Variants in RIF1 observed in about 807,000 individuals in gnomAD.
RIF1 encodes the protein replication timing regulatory factor 1.
Under a neutral mutation model 247.1 loss-of-function variants are expected in RIF1, and 45 were observed. The ratio of observed to expected loss-of-function variants is 0.18; its 90% CI spans 0.14 to 0.23. RIF1 has a LOEUF of 0.23. RIF1 is among the 10% of genes least tolerant of loss of function. The probability of loss-of-function intolerance (pLI) is 1.00; values close to 1 mark genes in which losing one functional copy is unlikely to be tolerated. For missense variants in RIF1, 2,967 were observed against 2,862.5 expected, an observed-to-expected ratio of 1.04 and a Z score of -0.83; for synonymous variants, 1,087 against 978.8, an observed-to-expected ratio of 1.11 and a Z score of -2.06.
chr2:151,471,797 G>A (rs2048554398), intron 34 of RIF1, among the ~76,000 whole-genome samples: 1 of 152,132 alleles, frequency 6.6e-6, no homozygotes, highest in Non-Finnish European at 1.5e-5. Flanking sequence ...TTGAAGTCAG[G>A]TAGCATGATG....
At chr2:151,515,053 T>C in the RIF1 span, 1 of 639,284 alleles carries the variant, frequency 1.6e-6, no homozygotes, top group Non-Finnish European at 2.7e-6. Context: ...GTTCTGCTAA[T>C]GGTCACACAT....
intron 34 of RIF1, among the ~76,000 whole-genome samples, chr2:151,473,244 CTCAA>C (rs957963142): frequency 8.0e-5 from 12 of 149,344 alleles, no homozygotes; most frequent in African/African-American, 2.7e-4. Flanking sequence ...TTAGTATTTT[CTCAA>C]TCAGTGGTCC....
At chr2:151,496,999 G>C in intron 10 of RIF1, 1 of 1,577,842 alleles carries the variant, frequency 6.3e-7, no homozygotes, top group Non-Finnish European at 8.6e-7. Context: ...GACAGGTAGA[G>C]GGGTTCCCTT....
chr2:151,440,196 T>C (rs572718071), intron 15 of RIF1, 69 bp downstream of exon 15: 131 of 864,822 alleles, frequency 1.5e-4, no homozygotes, highest in Admixed American at 2.2e-4. Flanking sequence ...ATAGAAGATA[T>C]TTGCACAAAT....
chr2:151,411,420 T>A, intron 3 of RIF1, 82 bp downstream of exon 3: 1 of 919,116 alleles, frequency 1.1e-6, no homozygotes, highest in Non-Finnish European at 1.7e-6. Context: ...TTTTGAGGTG[T>A]AGTTTTGCTC....
chr2:151,489,577 A>G (rs2054361157), intron 9 of RIF1, among the ~76,000 whole-genome samples: 1 of 152,040 alleles, frequency 6.6e-6, no homozygotes, highest in East Asian at 1.9e-4. Flanking sequence ...TTTGGTTTTT[A>G]GTAGAGATGA....
intron 12 of RIF1, chr2:151,505,428 A>G (rs1249461376): frequency 6.8e-7 from 1 of 1,464,358 alleles, no homozygotes; most frequent in Non-Finnish European, 9.6e-7. Context: ...CAGGGTAGCA[A>G]TTGAGAGATG....
intron 4 of RIF1, among the ~76,000 whole-genome samples, chr2:151,415,511 G>A (rs1475779603): frequency 2.2e-5 from 3 of 139,166 alleles, no homozygotes; most frequent in Non-Finnish European, 4.6e-5. Flanking sequence ...GGAGAATGGC[G>A]TGAACCTGGC....
In RIF1 at chr2:151,458,854, C is replaced by G; in HGVS notation, c.2899C>G (p.Pro967Ala). The G allele has an allele frequency of 6.2e-7, 1 of 1,613,128 alleles. No individual in the cohort carries two copies. The highest frequency in any genetic ancestry group is 1.7e-5 in the Admixed American group (1 of 59,900). ...QAKQKFLLLL[P>A]GLETVEMMEE... ...CAAACAAAAATTTCTGCTCCTGTTG[C>G]CTGGTTTGGAAACTGTTGAAATGAT... The change falls in exon 25 of 36, where the codon CCT becomes GCT. Residue 967 changes from proline to alanine, a missense_variant. By Grantham distance (27) the Pro-to-Ala change is conservative. Around this residue, in one of 7 missense-constraint regions of RIF1, gnomAD observed 2,028 missense variants for 1,825.6 expected, o/e 1.11. Transcript: ENST00000444746.
chr2:151,510,714 G>A (rs1453049429), downstream of RIF1, among the ~76,000 whole-genome samples: 1 of 152,088 alleles, frequency 6.6e-6, no homozygotes, highest in Non-Finnish European at 1.5e-5. Context: ...CTTTGTCATA[G>A]GTGTATATGT....
At chr2:151,462,347 TTA>T (rs746222772) in intron 28 of RIF1, 25 bp downstream of exon 28, 1 of 1,496,820 alleles carries the variant, frequency 6.7e-7, no homozygotes, top group South Asian at 1.3e-5. Flanking sequence ...CATCAAACTT[TTA>T]TATCTGTTTT....
At chr2:151,487,348 A>G (rs1380873848) in intron 9 of RIF1, among the ~76,000 whole-genome samples, 2 of 152,244 alleles carry the variant, frequency 1.3e-5, no homozygotes, top group South Asian at 2.1e-4. Context: ...GTAGTTTTGG[A>G]TGTAACCTAT....
rs1477460315 is a variant in RIF1, at chr2:151,493,790, T to G, written c.*416-1439T>G. ...TCTAAAATACCGAGCTAAAGTTTTC[T>G]TGATTGCGTTTCACTCTTTCCATCT... is the stretch of plus-strand genomic sequence containing the variant. On this transcript the variant is annotated intron_variant and NMD_transcript_variant, in intron 9 of 13. Coordinates refer to the RIF1 transcript ENST00000454583. The G allele has an allele frequency of 6.3e-7, 1 of 1,579,330 alleles. No individual in the cohort carries two copies. The highest frequency in any genetic ancestry group is 1.8e-5 in the Admixed American group (1 of 55,252).
chr2:151,461,934 C>T (rs1033244047), intron 27 of RIF1, among the ~76,000 whole-genome samples: 1 of 152,104 alleles, frequency 6.6e-6, no homozygotes. Context: ...AGTGCAGTGG[C>T]ATGATCTCTG....
In RIF1 at chr2:151,437,457, G is replaced by T. The variant is rs899365256; in HGVS notation, c.1483+106G>T. The T allele has an allele frequency of 1.0e-5, 8 of 790,684 alleles. No individual in the cohort carries two copies. In the African/African-American group the frequency reaches 1.4e-4, roughly 14 times the overall value. 49.0% of individuals were successfully genotyped at this position (790,684 alleles called of 1,614,324 possible). A position where few individuals can be genotyped will look rare whatever the true frequency, so the allele number is the denominator to read the frequency against. On this transcript the variant is annotated intron_variant, in intron 13 of 35. Coordinates refer to ENST00000444746, the MANE Select transcript of RIF1 (RefSeq NM_018151.5). The stretch of plus-strand genomic sequence containing the variant: ...TGTAATCCCAGCACTTTGGGAGGCC[G>T]AGGTGAGTGGATCACTTGAGCTCAG...
In RIF1 at chr2:151,479,368, A is replaced by G. The variant is rs1280652958; in HGVS notation, c.*4297A>G. 2 of 152,224 alleles carry G rather than the reference A, an allele frequency of 1.3e-5. No homozygotes were observed. Among genetic ancestry groups the G allele is most frequent in the African/African-American group, 2.4e-5 (1 of 41,454 alleles). 9.4% of individuals were successfully genotyped at this position (152,224 alleles called of 1,614,324 possible). ...TTATAAAGAATCTTATTGATAAGGC[A>G]AAGTAGACAAAGTATTTTCTCATGA... is the stretch of plus-strand genomic sequence containing the variant. On this transcript the variant is annotated 3_prime_UTR_variant, in exon 36 of 36. Coordinates refer to ENST00000444746, the MANE Select transcript of RIF1 (RefSeq NM_018151.5).
intron 11 of RIF1, among the ~76,000 whole-genome samples, chr2:151,499,998 A>G (rs1398854208): frequency 2.6e-5 from 4 of 152,348 alleles, no homozygotes; most frequent in African/African-American, 9.6e-5. Context: ...GGTTTCAAAT[A>G]GATACAAATA....
Position 151,455,028 on chromosome 2 carries a change from C to A in RIF1, c.2478C>A (p.Thr826=). The change falls in exon 22 of 36, where the codon ACC becomes ACA. Residue 826 remains threonine, a synonymous_variant. Coordinates refer to ENST00000444746, the MANE Select transcript of RIF1 (RefSeq NM_018151.5). The part of the protein sequence containing the change: ...TLSFKEAHSD[T]LFTIGNSITG... ...GCTTCAAGGAAGCACATTCTGATAC[C>A]CTCTTCACTATTGGCAACTCAATCA... The A allele has an allele frequency of 6.2e-7, 1 of 1,613,750 alleles. No homozygotes were observed. Among genetic ancestry groups the A allele is most frequent in the Middle Eastern group, 1.7e-4 (1 of 6,058 alleles).
intron 14 of RIF1, 89 bp from the exon 15 acceptor site, chr2:151,439,938 A>G (rs1230666918): frequency 1.6e-6 from 1 of 617,064 alleles, no homozygotes; most frequent in East Asian, 3.0e-5. Flanking sequence ...GTGCCCCTGT[A>G]CCCCAGCTTG....
Sources: gnomAD v4.1 joint callset for allele counts (sites outside exome capture counted in the v4.1 genomes callset) on GRCh38, gnomAD v4.1.1 for gene constraint, gnomAD v4.1.1 regional missense constraint, MANE v1.5 for transcripts, NCBI Gene and HGNC (gene_info 2026-07-23, HGNC 2026-07-21) for gene names.